COLEC12: variants seen among roughly 807,000 people sequenced by gnomAD.
COLEC12 encodes the protein collectin-12.
In COLEC12, 33 loss-of-function variants were observed where a neutral mutation model predicts 71.1. That is an observed-to-expected ratio of 0.46 (90% CI 0.35 to 0.62). COLEC12 has a LOEUF of 0.62. COLEC12 is among the 20% of genes least tolerant of loss of function. The probability of loss-of-function intolerance (pLI) is 0.00; values close to 1 mark genes in which losing one functional copy is unlikely to be tolerated. For missense variants in COLEC12, 765 were observed against 916.1 expected (o/e 0.84, Z 2.13); for synonymous variants, 350 against 353.0 (o/e 0.99, Z 0.10).
At chr18:447,100 T>C (rs926957716) in intron 2 of COLEC12, among the ~76,000 whole-genome samples, 2 of 152,210 alleles carry the variant, frequency 1.3e-5, no homozygotes, top group Admixed American at 1.3e-4. Flanking sequence ...TTAGGTCAGA[T>C]AGTCACACGT....
chr18:449,406 T>C (rs1445670462), intron 2 of COLEC12, among the ~76,000 whole-genome samples: 1 of 152,176 alleles, frequency 6.6e-6, no homozygotes, highest in African/African-American at 2.4e-5. Flanking sequence ...ACACTCTAGT[T>C]GGCATCAAAA....
At chr18:412,481 GA>G (rs201793548) in intron 2 of COLEC12, among the ~76,000 whole-genome samples, 220 of 106,490 alleles carry the variant, frequency 2.1e-3, no homozygotes, top group African/African-American at 5.1e-3. Context: ...GCTCTAAACA[GA>G]AAAAAAAAAA....
At chr18:434,997 G>A (rs1383143097) in intron 2 of COLEC12, among the ~76,000 whole-genome samples, 1 of 152,140 alleles carries the variant, frequency 6.6e-6, no homozygotes, top group African/African-American at 2.4e-5. Context: ...AGCCTTGCCT[G>A]TTATCACAAC....
At chr18:455,325 T>C (rs1450892994) in intron 2 of COLEC12, among the ~76,000 whole-genome samples, 2 of 149,528 alleles carry the variant, frequency 1.3e-5, no homozygotes, top group African/African-American at 2.5e-5. Flanking sequence ...TCACCCAGGC[T>C]GGAGTGCAGT....
intron 1 of COLEC12, among the ~76,000 whole-genome samples, chr18:493,282 ATCTCAAACTCCTGGCC>A (rs1056827825): frequency 3.4e-4 from 52 of 151,818 alleles, no homozygotes; most frequent in African/African-American, 1.2e-3. Flanking sequence ...GATCTGGCTG[ATCTCAAACTCCTGGCC>A]TCAAGCAACC....
At chr18:382,875 T>C (rs1269861883) in intron 2 of COLEC12, among the ~76,000 whole-genome samples, 1 of 152,272 alleles carries the variant, frequency 6.6e-6, no homozygotes. Context: ...CATGTATACA[T>C]TGTGTAATGA....
chr18:441,145 G>T (rs1337832506), intron 2 of COLEC12, among the ~76,000 whole-genome samples: 1 of 146,852 alleles, frequency 6.8e-6, no homozygotes, highest in Non-Finnish European at 1.5e-5. Context: ...CTGCTGGGGA[G>T]GCTGAGGCAG....
chr18:476,311 C>G (rs542438403), intron 2 of COLEC12, among the ~76,000 whole-genome samples: 2 of 152,348 alleles, frequency 1.3e-5, no homozygotes, highest in East Asian at 3.9e-4. Flanking sequence ...ATCTTTTACT[C>G]TCATAGCTAT....
chr18:458,729 T>C (rs1254170676), intron 2 of COLEC12, among the ~76,000 whole-genome samples: 1 of 152,262 alleles, frequency 6.6e-6, no homozygotes, highest in East Asian at 1.9e-4. Flanking sequence ...TCTGTCTCTA[T>C]ATGATCACTC....
At chr18:431,372 G>C (rs1916299632) in intron 2 of COLEC12, among the ~76,000 whole-genome samples, 1 of 152,064 alleles carries the variant, frequency 6.6e-6, no homozygotes, top group African/African-American at 2.4e-5. Flanking sequence ...TTGCATCTCT[G>C]CCTTATATTG....
At chr18:413,810 C>T (rs1273937956) in intron 2 of COLEC12, among the ~76,000 whole-genome samples, 1 of 152,108 alleles carries the variant, frequency 6.6e-6, no homozygotes, top group Non-Finnish European at 1.5e-5. Flanking sequence ...TACTACTCAC[C>T]AATAAAAAGG....
At chr18:469,841 C>T (rs1426119698) in intron 2 of COLEC12, among the ~76,000 whole-genome samples, 1 of 150,968 alleles carries the variant, frequency 6.6e-6, no homozygotes, top group Non-Finnish European at 1.5e-5. Flanking sequence ...CCAGCATGGA[C>T]ATCTTTAGGA....
chr18:484,894 A>G (rs963645946), intron 1 of COLEC12, among the ~76,000 whole-genome samples: 2 of 152,198 alleles, frequency 1.3e-5, no homozygotes, highest in African/African-American at 4.8e-5. Context: ...CTGATAGAAC[A>G]GTTGGGTGTT....
chr18:346,444 C>A lies in COLEC12; in HGVS notation c.1178G>T (p.Arg393Leu). ...CATCCTGAGAGAAACAGAATCCAAA[C>A]GGATGTTGGCCAGGGTATTATTCAA... ...TSLNNTLANI[R>L]LDSVSLRMQQ... The change falls in exon 5 of 10, where the codon CGT becomes CTT. Residue 393 changes from arginine (R) to leucine (L), a missense_variant. By Grantham distance (102) the Arg-to-Leu change is moderately radical (BLOSUM62 -2). Coordinates refer to ENST00000400256, the MANE Select transcript of COLEC12 (RefSeq NM_130386.3). The surrounding 1 kb of genome is among the most constrained non-coding windows in gnomAD (Gnocchi z 4.0). The A allele has an allele frequency of 1.2e-6, 2 of 1,614,118 alleles. No homozygotes were observed. Among genetic ancestry groups the A allele is most frequent in the Non-Finnish European group, 1.7e-6 (2 of 1,180,038 alleles).
chr18:360,756 A>C (rs868418541), intron 2 of COLEC12, among the ~76,000 whole-genome samples: 36 of 152,298 alleles, frequency 2.4e-4, no homozygotes, highest in Middle Eastern at 6.8e-3. Flanking sequence ...TGATGGATTG[A>C]CCTTTGGTTA....
At chr18:491,663 C>T (rs1564417) in intron 1 of COLEC12, among the ~76,000 whole-genome samples, 1 of 152,158 alleles carries the variant, frequency 6.6e-6, no homozygotes, top group African/African-American at 2.4e-5. Context: ...TCTGAGGTGA[C>T]TATTTGGGGG....
intron 8 of COLEC12, among the ~76,000 whole-genome samples, chr18:329,265 G>GT (rs1001704912): frequency 1.2e-4 from 19 of 152,096 alleles, no homozygotes; most frequent in Admixed American, 1.2e-3. Context: ...GGCCAATCCA[G>GT]TTTTTTTCTT....
intron 1 of COLEC12, among the ~76,000 whole-genome samples, chr18:485,968 T>C (rs4798238): frequency 0.63 from 96,339 of 152,098 alleles, 31,140 homozygotes; most frequent in African/African-American, 0.74. Flanking sequence ...ACATTTATGA[T>C]GCATGATAGG....
rs1243510384 is a variant in COLEC12, at chr18:399,178, C to T, written c.59-41656G>A. On this transcript the variant is annotated intron_variant, in intron 2 of 9. Transcript: ENST00000400256. This position sits in a 1 kb window ranked among gnomAD's most constrained non-coding sequence, Gnocchi z 4.0. ...CACAAAAAAACCCCAATCTGAAACA[C>T]TATCCAAAAAACGCACAGCGGTGTC... is the stretch of plus-strand genomic sequence containing the variant. 2.0e-5 allele frequency among the ~76,000 whole-genome samples: 3 copies of T among 152,246 alleles called. No homozygotes were observed. The highest frequency in any genetic ancestry group is 6.5e-5 in the Admixed American group (1 of 15,290).
Sources: allele counts gnomAD v4.1 joint callset (sites outside exome capture counted in the v4.1 genomes callset), GRCh38; gene constraint gnomAD v4.1.1; non-coding constraint Gnocchi (gnomAD v3.1); transcripts MANE v1.5; gene names NCBI Gene and HGNC (gene_info 2026-07-23, HGNC 2026-07-21).